The following STAU2 variants were observed in gnomAD, a reference collection of about 807,000 sequenced individuals.
STAU2 encodes the protein staufen double-stranded RNA binding protein 2.
In STAU2, 20 loss-of-function variants were observed where a neutral mutation model predicts 65.9. That is an observed-to-expected ratio of 0.30 (90% CI 0.21 to 0.44). STAU2 has a LOEUF of 0.44. STAU2 is among the 20% of genes least tolerant of loss of function. The pLI, the probability that STAU2 is intolerant of heterozygous loss-of-function variation, is 1.00. For synonymous variants in STAU2, 232 were observed against 233.9 expected (o/e 0.99, Z 0.07); for missense variants, 558 against 683.9 (o/e 0.82, Z 2.05).
chr8:73,478,986 CA>C (rs1322035442), intron 13 of STAU2, among the ~76,000 whole-genome samples: 1 of 152,078 alleles, frequency 6.6e-6, no homozygotes, highest in Non-Finnish European at 1.5e-5. Flanking sequence ...AAATGTATTA[CA>C]TATCATAATG....
At chr8:73,533,473 T>C (rs927613997) in intron 13 of STAU2, among the ~76,000 whole-genome samples, 2 of 152,244 alleles carry the variant, frequency 1.3e-5, no homozygotes, top group African/African-American at 4.8e-5. Context: ...GTTTGATATG[T>C]ACTCTTCTAA....
chr8:73,734,966 A>G (rs190639164), intron 3 of STAU2, among the ~76,000 whole-genome samples: 106 of 152,152 alleles, frequency 7.0e-4, no homozygotes, highest in African/African-American at 2.0e-3. Flanking sequence ...CTAGGGTCTC[A>G]TTCTGTTACC....
chr8:73,718,193 A>G (rs754655099), intron 3 of STAU2, among the ~76,000 whole-genome samples: 1 of 152,186 alleles, frequency 6.6e-6, no homozygotes, highest in Non-Finnish European at 1.5e-5. Flanking sequence ...CTTGTTTAGT[A>G]TGTATTACTA....
intron 13 of STAU2, among the ~76,000 whole-genome samples, chr8:73,518,296 G>T (rs879893014): frequency 6.6e-6 from 1 of 152,206 alleles, no homozygotes; most frequent in Non-Finnish European, 1.5e-5. Flanking sequence ...AATGGACTCT[G>T]AATAACCATG....
intron 5 of STAU2, among the ~76,000 whole-genome samples, chr8:73,683,700 C>G (rs557281402): frequency 1.3e-5 from 2 of 152,168 alleles, no homozygotes; most frequent in Admixed American, 1.3e-4. Context: ...GATCGTATAC[C>G]TAGAAAACCC....
At chr8:73,559,103 A>G (rs760854658) in intron 12 of STAU2, among the ~76,000 whole-genome samples, 5 of 152,232 alleles carry the variant, frequency 3.3e-5, no homozygotes, top group Non-Finnish European at 5.9e-5. Flanking sequence ...TAAGGTCTGT[A>G]GTCTAGTTCA....
At chr8:73,514,347 A>G (rs1160122730) in intron 13 of STAU2, among the ~76,000 whole-genome samples, 4 of 152,174 alleles carry the variant, frequency 2.6e-5, no homozygotes, top group Non-Finnish European at 5.9e-5. Flanking sequence ...TCTTATAGAC[A>G]CCAGCATAAT....
At chr8:73,598,085 G>A (rs759566039) in intron 10 of STAU2, among the ~76,000 whole-genome samples, 1 of 151,988 alleles carries the variant, frequency 6.6e-6, no homozygotes, top group African/African-American at 2.4e-5. Flanking sequence ...AATGAATAAA[G>A]CAATATAGAA....
chr8:73,561,056 C>T (rs1808189669), intron 12 of STAU2, among the ~76,000 whole-genome samples: 2 of 151,866 alleles, frequency 1.3e-5, no homozygotes, highest in Admixed American at 6.6e-5. Context: ...TTTTCTTTAA[C>T]AAGAAGATTC....
intron 13 of STAU2, among the ~76,000 whole-genome samples, chr8:73,548,104 C>T (rs1807065691): frequency 6.6e-6 from 1 of 151,982 alleles, no homozygotes; most frequent in Non-Finnish European, 1.5e-5. Flanking sequence ...GGTCCTAGAA[C>T]CAATCCTTCC....
intron 13 of STAU2, among the ~76,000 whole-genome samples, chr8:73,546,123 CTTTTTTTT>C (rs71561528): frequency 4.3e-5 from 4 of 93,316 alleles, no homozygotes; most frequent in East Asian, 6.7e-4. Context: ...GTTTGGTTTT[CTTTTTTTT>C]TTTTTTTTTT....
At chr8:73,546,807 A>C (rs1806969252) in intron 13 of STAU2, among the ~76,000 whole-genome samples, 1 of 152,212 alleles carries the variant, frequency 6.6e-6, no homozygotes, top group South Asian at 2.1e-4. Flanking sequence ...ACTTGGAATG[A>C]GTGTAGGTAT....
At chr8:73,651,183 C>T (rs1272151118) in intron 6 of STAU2, 2 of 1,042,034 alleles carry the variant, frequency 1.9e-6, no homozygotes, top group Non-Finnish European at 1.4e-6. Flanking sequence ...CCGAGGAGCC[C>T]CCTCAGGCCG....
intron 13 of STAU2, among the ~76,000 whole-genome samples, chr8:73,423,797 T>C (rs1031188169): frequency 3.3e-5 from 5 of 152,188 alleles, no homozygotes; most frequent in African/African-American, 7.2e-5. Context: ...GTACACAGAG[T>C]TCCCATATTC....
intron 7 of STAU2, 157 bp from the exon 8 acceptor site, chr8:73,615,939 C>T (rs1464384345): frequency 5.7e-6 from 3 of 524,174 alleles, no homozygotes; most frequent in Non-Finnish European, 9.9e-6. Flanking sequence ...CGGTCAAGGG[C>T]TTTGCTGCCA....
chr8:73,481,508 C>CAA (rs1346555942), intron 13 of STAU2, among the ~76,000 whole-genome samples: 62 of 77,802 alleles, frequency 8.0e-4, no homozygotes, highest in South Asian at 3.4e-3. Flanking sequence ...GCCAAAAAAA[C>CAA]AAAAAAACAA....
In STAU2 at chr8:73,715,816, GAA is replaced by G. The variant is rs568968827; in HGVS notation, c.-17-6656_-17-6655del. ...TAAACTACATGAATCATGCAGCTTTGAAAAGAGAAAGAGGTACAGAGCTTATG... is the reference window on the plus strand; with the variant it reads ...TAAACTACATGAATCATGCAGCTTTGAAGAGAAAGAGGTACAGAGCTTATG... On this transcript the variant is annotated intron_variant, in intron 3 of 14. Coordinates refer to ENST00000524300, the MANE Select transcript of STAU2 (RefSeq NM_001164380.2). Among the ~76,000 whole-genome samples, 46 of 152,262 alleles carry G rather than the reference GAA, an allele frequency of 3.0e-4. No homozygotes were observed. In the South Asian group the frequency reaches 9.1e-3, roughly 30 times the overall value.
chr8:73,504,602 C>G (rs560520528), intron 13 of STAU2, among the ~76,000 whole-genome samples: 7 of 152,084 alleles, frequency 4.6e-5, no homozygotes, highest in African/African-American at 1.4e-4. Context: ...TGTTAGGTCT[C>G]TCTCTGGCAG....
chr8:73,627,538 G>T (rs1394572698), intron 6 of STAU2, among the ~76,000 whole-genome samples: 1 of 151,974 alleles, frequency 6.6e-6, no homozygotes, highest in African/African-American at 2.4e-5. Flanking sequence ...TGTCTTTAAT[G>T]GGATTTTAGT....
Sources: gnomAD v4.1 joint callset for allele counts (sites outside exome capture counted in the v4.1 genomes callset) on GRCh38, gnomAD v4.1.1 for gene constraint, MANE v1.5 for transcripts, NCBI Gene and HGNC (gene_info 2026-07-23, HGNC 2026-07-21) for gene names.